Variants in CHN1 observed in about 807,000 individuals in gnomAD.
CHN1 encodes the protein N-chimaerin.
A neutral mutation model predicts 59.5 loss-of-function variants in CHN1; 37 were observed. The observed-to-expected ratio is 0.62, with a 90% CI of 0.48 to 0.82. CHN1 has a LOEUF of 0.82. Among genes scored for constraint, CHN1 ranks in the 40% least tolerant of loss-of-function variants. CHN1 has a pLI of 0.00. For synonymous variants in CHN1, 206 were observed against 200.4 expected (o/e 1.03, Z -0.24); for missense variants, 469 against 571.0 (o/e 0.82, Z 1.82).
intron 8 of CHN1, among the ~76,000 whole-genome samples, chr2:174,812,711 T>G (rs1182420235): frequency 6.6e-6 from 1 of 152,166 alleles, no homozygotes; most frequent in Non-Finnish European, 1.5e-5. Flanking sequence ...ATCGTTTAAT[T>G]GCTGTATGAT....
intron 7 of CHN1, among the ~76,000 whole-genome samples, chr2:174,831,740 T>C (rs974773430): frequency 1.3e-5 from 2 of 152,166 alleles, no homozygotes; most frequent in African/African-American, 4.8e-5. Context: ...AACTGAATCA[T>C]GCTCAAGGTT....
intron 1 of CHN1, among the ~76,000 whole-genome samples, chr2:175,000,544 T>C (rs1691858701): frequency 6.6e-6 from 1 of 151,916 alleles, no homozygotes; most frequent in Non-Finnish European, 1.5e-5. Context: ...CCTGGGTTCA[T>C]GGGATTCTCC....
chr2:174,917,232 A>G (rs987364056), intron 4 of CHN1, among the ~76,000 whole-genome samples: 4 of 152,214 alleles, frequency 2.6e-5, no homozygotes, highest in Admixed American at 2.6e-4. Context: ...CAAGAGTTCA[A>G]GACCAGCCTG....
At chr2:174,943,044 T>C (rs1319382815) in intron 3 of CHN1, among the ~76,000 whole-genome samples, 3 of 151,320 alleles carry the variant, frequency 2.0e-5, no homozygotes, top group Non-Finnish European at 4.4e-5. Context: ...AGCAAGACTC[T>C]ATCTAAAAAA....
At chr2:174,970,572 A>G (rs1385591280) in intron 1 of CHN1, among the ~76,000 whole-genome samples, 1 of 152,232 alleles carries the variant, frequency 6.6e-6, no homozygotes, top group African/African-American at 2.4e-5. Context: ...TCTAAGATAT[A>G]TTGCATAATG....
At chr2:174,802,538 A>C (rs1407093189) in intron 11 of CHN1, among the ~76,000 whole-genome samples, 1 of 152,216 alleles carries the variant, frequency 6.6e-6, no homozygotes, top group Non-Finnish European at 1.5e-5. Flanking sequence ...CAAGGGTGTA[A>C]ATTTTGAAGG....
intron 5 of CHN1, among the ~76,000 whole-genome samples, chr2:174,913,688 G>C (rs1688759713): frequency 6.6e-6 from 1 of 152,182 alleles, no homozygotes; most frequent in South Asian, 2.1e-4. Context: ...TCAGCATTCA[G>C]TATGAAATAA....
chr2:174,971,224 A>G (rs1385950507), intron 1 of CHN1, among the ~76,000 whole-genome samples: 1 of 152,174 alleles, frequency 6.6e-6, no homozygotes, highest in Non-Finnish European at 1.5e-5. Flanking sequence ...AGGCTGAGGC[A>G]GGAGAATGGC....
At chr2:174,968,800 A>C (rs77347989) in intron 1 of CHN1, among the ~76,000 whole-genome samples, 4,269 of 152,324 alleles carry the variant, frequency 0.028, 198 homozygotes, top group African/African-American at 0.097. Flanking sequence ...CTCAATTATA[A>C]AATCCAAATG....
At chr2:174,968,284 C>T (rs1256688720) in intron 1 of CHN1, among the ~76,000 whole-genome samples, 1 of 152,036 alleles carries the variant, frequency 6.6e-6, no homozygotes, top group African/African-American at 2.4e-5. Context: ...CTGGGAAAAC[C>T]ACTCAGTCAC....
chr2:174,842,676 G>A (rs1322586579), intron 7 of CHN1, among the ~76,000 whole-genome samples: 1 of 152,158 alleles, frequency 6.6e-6, no homozygotes, highest in Non-Finnish European at 1.5e-5. Flanking sequence ...CAAGAGTGTC[G>A]GCCACTGCCG....
chr2:174,808,143 G>A (rs1684960347), intron 11 of CHN1, among the ~76,000 whole-genome samples: 1 of 152,176 alleles, frequency 6.6e-6, no homozygotes, highest in Admixed American at 6.5e-5. Context: ...CAATGTGTGG[G>A]CCAGTGCCAG....
At chr2:174,853,244 A>G (rs926141498) in intron 6 of CHN1, among the ~76,000 whole-genome samples, 2 of 152,184 alleles carry the variant, frequency 1.3e-5, no homozygotes, top group Admixed American at 1.3e-4. Context: ...ACAAACTTAA[A>G]TCAACAAGCA....
chr2:174,847,889 CAT>C, intron 6 of CHN1: 1 of 400,598 alleles, frequency 2.5e-6, no homozygotes, highest in Non-Finnish European at 4.8e-6. Context: ...GGAAAATTAA[CAT>C]ACATACAGCA....
At chr2:174,920,063 T>C (rs1176428054) in intron 3 of CHN1, among the ~76,000 whole-genome samples, 2 of 152,224 alleles carry the variant, frequency 1.3e-5, no homozygotes, top group Non-Finnish European at 2.9e-5. Context: ...TGGGCCTGCT[T>C]TGTTTCACTT....
rs529739039 is a variant in CHN1, at chr2:174,841,362, GA to G, written c.627+5517del. Among the ~76,000 whole-genome samples, 881 of 152,310 alleles carry G rather than the reference GA, an allele frequency of 5.8e-3. 9 individuals are homozygous for G. The highest frequency in any genetic ancestry group is 7.4e-3 in the Non-Finnish European group (502 of 68,006). On this transcript the variant is annotated intron_variant, in intron 7 of 12. Coordinates refer to ENST00000409900, the MANE Select transcript of CHN1 (RefSeq NM_001822.7). Reference sequence around the variant, plus strand: ...CTCACCAGCAGCATTGGCAGAAGTGGAAAGCAGAGCAGTGGCTGTCATTTTT... The same window carrying G: ...CTCACCAGCAGCATTGGCAGAAGTGGAAGCAGAGCAGTGGCTGTCATTTTT...
At chr2:174,976,712 G>A (rs752481794) in intron 1 of CHN1, among the ~76,000 whole-genome samples, 2 of 152,158 alleles carry the variant, frequency 1.3e-5, no homozygotes, top group African/African-American at 4.8e-5. Flanking sequence ...TTGAAGAAAA[G>A]AGAGCCATCT....
At chr2:175,000,411 T>C (rs1195224779) in intron 1 of CHN1, among the ~76,000 whole-genome samples, 3 of 150,840 alleles carry the variant, frequency 2.0e-5, no homozygotes, top group Non-Finnish European at 4.4e-5. Flanking sequence ...GTACTGAGAT[T>C]ACAGGCATGA....
At chr2:174,946,962 A>C (rs2105407006) in intron 2 of CHN1, among the ~76,000 whole-genome samples, 1 of 151,626 alleles carries the variant, frequency 6.6e-6, no homozygotes, top group South Asian at 2.1e-4. Flanking sequence ...GGTACCTATA[A>C]GGTAAAAATT....
Sources: allele counts gnomAD v4.1 joint callset (sites outside exome capture counted in the v4.1 genomes callset), GRCh38; gene constraint gnomAD v4.1.1; transcripts MANE v1.5; gene names NCBI Gene and HGNC (gene_info 2026-07-23, HGNC 2026-07-21).